The following CHST6 variants were observed in gnomAD, a reference collection of about 807,000 sequenced individuals.
The protein encoded by CHST6 is carbohydrate sulfotransferase 6.
For missense variants in CHST6, 698 were observed against 586.2 expected (o/e 1.19, Z -1.97); for synonymous variants, 309 against 276.4 (o/e 1.12, Z -1.17).
At chr16:75,481,956 A>T (rs1447663967) in intron 1 of CHST6, 65 bp from the exon 2 acceptor site, 1 of 432,456 alleles carries the variant, frequency 2.3e-6, no homozygotes, top group African/African-American at 2.0e-5. Flanking sequence ...AAGCGACACA[A>T]CTTCTCTGAG....
Position 75,480,583 on chromosome 16 carries a change from TA to T in CHST6, c.-16-740del, listed in dbSNP as rs397699306. Reference sequence around the variant, plus strand: ...CTGCAGTGTATGATTTTTTTTTTTTTAAATAGACAGGTATAACTTTTCTTAT... The same window carrying T: ...CTGCAGTGTATGATTTTTTTTTTTTTAATAGACAGGTATAACTTTTCTTAT... On this transcript the variant is annotated intron_variant, in intron 2 of 2. Transcript: ENST00000332272. 3.2e-3 allele frequency among the ~76,000 whole-genome samples: 475 copies of T among 150,228 alleles called. 3 individuals carry two copies. Among genetic ancestry groups the T allele is most frequent in the African/African-American group, 0.011 (460 of 40,108 alleles).
rs891082018 is a variant in CHST6, at chr16:75,472,491, A to C, written c.*6150T>G. On this transcript the variant is annotated 3_prime_UTR_variant, in exon 3 of 3. Coordinates refer to ENST00000332272, the MANE Select transcript of CHST6 (RefSeq NM_021615.5). Reference sequence around the variant, plus strand: ...GAATACAGTTGAGTCATAAGCATGAAAAGATGTTCAGCTGCCCCAGGAATT... The same window carrying C: ...GAATACAGTTGAGTCATAAGCATGACAAGATGTTCAGCTGCCCCAGGAATT... 4 of 152,244 alleles carry C rather than the reference A, an allele frequency of 2.6e-5. No homozygotes were observed. The highest frequency in any genetic ancestry group is 9.6e-5 in the African/African-American group (4 of 41,460). The allele number at this position is 152,244 out of a possible 1,614,324, so 9.4% of individuals were successfully genotyped here.
chr16:75,472,540 A>G lies in CHST6; in HGVS notation c.*6101T>C, dbSNP rs1208083501. ...TTAAAGAAGTGCAGACTGAAACATCAAGTAACATTTTTCACCCATCAGGTA... is the reference window on the plus strand; with the variant it reads ...TTAAAGAAGTGCAGACTGAAACATCGAGTAACATTTTTCACCCATCAGGTA... On this transcript the variant is annotated 3_prime_UTR_variant, in exon 3 of 3. Coordinates refer to ENST00000332272, the MANE Select transcript of CHST6 (RefSeq NM_021615.5). The G allele has an allele frequency of 6.6e-6, 1 of 152,240 alleles. No homozygotes were observed. Among genetic ancestry groups the G allele is most frequent in the Non-Finnish European group, 1.5e-5 (1 of 68,050 alleles). The allele number at this position is 152,240 out of a possible 1,614,324, so 9.4% of individuals were successfully genotyped here.
At position 75,474,441 on chromosome 16, in the gene CHST6, AT is replaced by A. The variant is rs930670232; in HGVS notation, c.*4199del. ...AGGTGCACGACACCATGCCCTGCTAATTTTTTTTTAACTTTGTAGAGATGGG... is the reference window on the plus strand; with the variant it reads ...AGGTGCACGACACCATGCCCTGCTAATTTTTTTTAACTTTGTAGAGATGGG... On this transcript the variant is annotated 3_prime_UTR_variant, in exon 3 of 3. Coordinates refer to ENST00000332272, the MANE Select transcript of CHST6 (RefSeq NM_021615.5). 6.1e-4 allele frequency: 234 copies of A among 383,350 alleles called. No individual in the cohort carries two copies. Among genetic ancestry groups the A allele is most frequent in the East Asian group, 8.9e-4 (24 of 26,996 alleles). 23.7% of individuals were successfully genotyped at this position (383,350 alleles called of 1,614,324 possible). A position where few individuals can be genotyped will look rare whatever the true frequency, so the allele number is the denominator to read the frequency against.
chr16:75,493,107 C>T (rs2080273266), intron 1 of CHST6, among the ~76,000 whole-genome samples: 1 of 152,088 alleles, frequency 6.6e-6, no homozygotes, highest in Admixed American at 6.6e-5. Context: ...GTGTCTGTCT[C>T]ATTAAAGACA....
Position 75,474,765 on chromosome 16 carries a change from C to A in CHST6, c.*3876G>T. On this transcript the variant is annotated 3_prime_UTR_variant, in exon 3 of 3. Coordinates refer to ENST00000332272, the MANE Select transcript of CHST6 (RefSeq NM_021615.5). ...AATGAACTCCTTCATTTAAAAGGCA[C>A]CACTCTCAGGATAACCAACTCACTC... 2 of 398,244 alleles carry A rather than the reference C, an allele frequency of 5.0e-6. No individual in the cohort carries two copies. The highest frequency in any genetic ancestry group is 6.3e-4 in the Middle Eastern group (1 of 1,588). 24.7% of individuals were successfully genotyped at this position (398,244 alleles called of 1,614,324 possible).
At chr16:75,490,331 A>G (rs549222539) in intron 1 of CHST6, among the ~76,000 whole-genome samples, 1 of 152,068 alleles carries the variant, frequency 6.6e-6, no homozygotes, top group Non-Finnish European at 1.5e-5. Context: ...ATACAAAATT[A>G]GCCAGGCATG....
intron 2 of CHST6, 45 bp from the exon 3 acceptor site, chr16:75,479,889 C>A: frequency 1.3e-6 from 2 of 1,493,696 alleles, no homozygotes; most frequent in Non-Finnish European, 1.8e-6. Context: ...GCCTGCACGC[C>A]CATCCCGTAC....
At position 75,478,969 on chromosome 16, in the gene CHST6, A is replaced by G. The variant is rs763514566; in HGVS notation, c.860T>C (p.Leu287Pro). Residue 287 changes from leucine (L) to proline (P), a missense_variant, in exon 3 of 3, where the codon CTC (leucine) becomes CCC (proline). By Grantham distance (98) the Leu-to-Pro change is moderately conservative. Coordinates refer to ENST00000332272, the MANE Select transcript of CHST6 (RefSeq NM_021615.5). ...AREPLAEIRA[L>P]YAFTGLSLTP... ...GAGACTGAGCCCAGTGAAGGCGTAGAGCGCACGGATTTCTGCCAGCGGCTC... is the reference window on the plus strand; with the variant it reads ...GAGACTGAGCCCAGTGAAGGCGTAGGGCGCACGGATTTCTGCCAGCGGCTC... The G allele has an allele frequency of 8.1e-6, 13 of 1,612,896 alleles. No individual in the cohort carries two copies. Among genetic ancestry groups the G allele is most frequent in the Non-Finnish European group, 9.3e-6 (11 of 1,179,966 alleles).
chr16:75,492,887 A>C (rs2080271148), intron 1 of CHST6, among the ~76,000 whole-genome samples: 1 of 152,162 alleles, frequency 6.6e-6, no homozygotes, highest in African/African-American at 2.4e-5. Context: ...CAAAAAACAC[A>C]TAGTCAAATG....
chr16:75,475,737 C>A lies in CHST6; in HGVS notation c.*2904G>T, dbSNP rs909565280. On this transcript the variant is annotated 3_prime_UTR_variant, in exon 3 of 3. Coordinates refer to ENST00000332272, the MANE Select transcript of CHST6 (RefSeq NM_021615.5). ...AAGCATGTCCTGACACCTTGGGAGT[C>A]AGGGGAGAATGGATGGGTCATACAA... 4.6e-5 allele frequency: 7 copies of A among 152,142 alleles called. No individual in the cohort carries two copies. Among genetic ancestry groups the A allele is most frequent in the African/African-American group, 1.4e-4 (6 of 41,416 alleles). 9.4% of individuals were successfully genotyped at this position (152,142 alleles called of 1,614,324 possible). A position where few individuals can be genotyped will look rare whatever the true frequency, so the allele number is the denominator to read the frequency against.
intron 1 of CHST6, among the ~76,000 whole-genome samples, chr16:75,482,720 A>G (rs1467042186): frequency 6.6e-6 from 1 of 152,134 alleles, no homozygotes; most frequent in Non-Finnish European, 1.5e-5. Context: ...TTGCTCCTGC[A>G]TCCTTTGCTC....
chr16:75,491,823 C>G (rs747918414), intron 1 of CHST6, among the ~76,000 whole-genome samples: 4 of 152,194 alleles, frequency 2.6e-5, no homozygotes, highest in Non-Finnish European at 5.9e-5. Context: ...GAGACAGGTG[C>G]CTGCAAAACC....
At chr16:75,491,036 C>G (rs2080246738) in intron 1 of CHST6, among the ~76,000 whole-genome samples, 1 of 151,090 alleles carries the variant, frequency 6.6e-6, no homozygotes, top group Non-Finnish European at 1.5e-5. Flanking sequence ...GACGCAGTGG[C>G]TCACGCATGT....
Position 75,472,695 on chromosome 16 carries a change from G to A in CHST6, c.*5946C>T, listed in dbSNP as rs977987. 80,554 of 152,044 alleles carry A rather than the reference G, an allele frequency of 0.53. 23,095 individuals are homozygous for A. Among genetic ancestry groups the A allele is most frequent in the Admixed American group, 0.67 (10,265 of 15,258 alleles). 9.4% of individuals were successfully genotyped at this position (152,044 alleles called of 1,614,324 possible). On this transcript the variant is annotated 3_prime_UTR_variant, in exon 3 of 3. Coordinates refer to ENST00000332272, the MANE Select transcript of CHST6 (RefSeq NM_021615.5). ...CAAAGCTAGGGGACACAGGGTCTGT[G>A]GTGGCCATGAGGAGTTGATACAGTG...
Position 75,479,581 on chromosome 16 carries a change from C to T in CHST6, c.248G>A (p.Gly83Asp). ...AWHVWTTLSQ[G>D]SAATLHMAVR... Reference sequence around the variant, plus strand: ...AGCCATGTGCAGCGTTGCGGCGCTGCCCTGCGACAGGGTGGTCCACACGTG... The same window carrying T: ...AGCCATGTGCAGCGTTGCGGCGCTGTCCTGCGACAGGGTGGTCCACACGTG... Residue 83 changes from glycine to aspartate, a missense_variant, in exon 3 of 3, where the codon GGC becomes GAC. Gly to Asp is a moderately conservative substitution (Grantham distance 94). Transcript: ENST00000332272. 6.2e-7 allele frequency: 1 copy of T among 1,613,006 alleles called. No individual in the cohort carries two copies. The highest frequency in any genetic ancestry group is 1.1e-5 in the South Asian group (1 of 91,070).
chr16:75,484,164 C>T (rs1032109503), intron 1 of CHST6, among the ~76,000 whole-genome samples: 1 of 151,626 alleles, frequency 6.6e-6, no homozygotes, highest in Non-Finnish European at 1.5e-5. Flanking sequence ...ATGGTGAAAC[C>T]CCGTCTCTAC....
chr16:75,475,601 T>C lies in CHST6; in HGVS notation c.*3040A>G, dbSNP rs1319516726. The C allele has an allele frequency of 6.6e-6, 1 of 152,224 alleles. No individual in the cohort carries two copies. Among genetic ancestry groups the C allele is most frequent in the Admixed American group, 6.5e-5 (1 of 15,288 alleles). 9.4% of individuals were successfully genotyped at this position (152,224 alleles called of 1,614,324 possible). On this transcript the variant is annotated 3_prime_UTR_variant, in exon 3 of 3. Transcript: ENST00000332272. ...AGTATGTACCTACCCAGCCCTGGCT[T>C]TACTGTGCCTAGTCAGCCAGGCCAC...
chr16:75,487,755 TGCCACTGCACTCCA>T (rs2080215430), intron 1 of CHST6, among the ~76,000 whole-genome samples: 1 of 139,882 alleles, frequency 7.1e-6, no homozygotes, highest in African/African-American at 2.7e-5. Flanking sequence ...GCTGAGATCG[TGCCACTGCACTCCA>T]GCCTGGGTGA....
Sources: allele counts gnomAD v4.1 joint callset (sites outside exome capture counted in the v4.1 genomes callset), GRCh38; gene constraint gnomAD v4.1.1; transcripts MANE v1.5; gene names NCBI Gene and HGNC (gene_info 2026-07-23, HGNC 2026-07-21).